Variants in SMARCA2 observed in about 807,000 individuals in gnomAD.
SMARCA2 encodes the protein SWI/SNF-related matrix-associated actin-dependent regulator of chromatin subfamily A member 2.
SMARCA2 carries 61 observed loss-of-function variants against 199.8 expected under a neutral mutation model. That is an observed-to-expected ratio of 0.31 (90% CI 0.25 to 0.38). SMARCA2 has a LOEUF of 0.38. Ranked by LOEUF, SMARCA2 falls within the 10% of genes least tolerant of loss-of-function variation. SMARCA2 has a pLI of 1.00. For missense variants in SMARCA2, 1,344 were observed against 2,012.2 expected, an observed-to-expected ratio of 0.67 and a Z score of 6.35; for synonymous variants, 935 against 732.0, an observed-to-expected ratio of 1.28 and a Z score of -4.48.
chr9:2,182,947 C>T (rs549312022), intron 31 of SMARCA2, among the ~76,000 whole-genome samples: 18 of 151,698 alleles, frequency 1.2e-4, no homozygotes, highest in South Asian at 2.1e-4. Flanking sequence ...TGCGCCACCA[C>T]GCCAGGCAAA....
chr9:2,137,875 G>A (rs917026741), intron 27 of SMARCA2, among the ~76,000 whole-genome samples: 3 of 152,288 alleles, frequency 2.0e-5, no homozygotes. Context: ...TCATGTTTTT[G>A]TAACTAAGAT....
At chr9:2,183,410 C>G (rs1827198888) in intron 31 of SMARCA2, among the ~76,000 whole-genome samples, 1 of 152,258 alleles carries the variant, frequency 6.6e-6, no homozygotes, top group East Asian at 1.9e-4. Context: ...TTAAAATAAC[C>G]AAGGTGAGGG....
At chr9:2,149,257 C>A (rs980385726) in intron 27 of SMARCA2, among the ~76,000 whole-genome samples, 2 of 151,348 alleles carry the variant, frequency 1.3e-5, no homozygotes, top group African/African-American at 4.8e-5. Flanking sequence ...GTGGCTCACA[C>A]CTGTAATCCA....
Position 2,047,743 on chromosome 9 carries a change from G to A in SMARCA2, c.1046+259G>A, listed in dbSNP as rs1037835833. Reference sequence around the variant, plus strand: ...ACTGCGACTGTGGAATACACTGTCCGTGTTTGTGCTTGTGCGGTTCGGTGA... The same window carrying A: ...ACTGCGACTGTGGAATACACTGTCCATGTTTGTGCTTGTGCGGTTCGGTGA... On this transcript the variant is annotated intron_variant, in intron 5 of 33. Transcript: ENST00000349721. 42 of 264,942 alleles carry A rather than the reference G, an allele frequency of 1.6e-4. No homozygotes were observed. In the East Asian group the frequency reaches 2.5e-3, roughly 16 times the overall value. The allele number at this position is 264,942 out of a possible 1,614,324, so 16.4% of individuals were successfully genotyped here. A position where few individuals can be genotyped will look rare whatever the true frequency, so the allele number is the denominator to read the frequency against.
chr9:2,054,445 A>G lies in SMARCA2; in HGVS notation c.1047-152A>G. The G allele has an allele frequency of 3.3e-6, 3 of 922,202 alleles. No individual in the cohort carries two copies. The South Asian group carries it at 5.3e-5, about 16-fold the overall frequency. The allele number at this position is 922,202 out of a possible 1,614,324, so 57.1% of individuals were successfully genotyped here. A position where few individuals can be genotyped will look rare whatever the true frequency, so the allele number is the denominator to read the frequency against. On this transcript the variant is annotated intron_variant, in intron 5 of 33. Transcript: ENST00000349721. ...AGGTAGCTTTTCTCTGCTTAACATC[A>G]AAAATTCTAGTTGGGTGTTAGAGAT...
chr9:2,114,840 A>G (rs1823149853), intron 24 of SMARCA2, among the ~76,000 whole-genome samples: 2 of 152,204 alleles, frequency 1.3e-5, no homozygotes, highest in African/African-American at 4.8e-5. Flanking sequence ...CGTTGTTGGC[A>G]TGTTGGTGTT....
At chr9:2,061,118 A>G (rs1429923444) in intron 9 of SMARCA2, 132 bp downstream of exon 9, 4 of 840,296 alleles carry the variant, frequency 4.8e-6, no homozygotes, top group South Asian at 1.8e-5. Context: ...TGAAAATTGC[A>G]TAAATGGGTA....
intron 29 of SMARCA2, among the ~76,000 whole-genome samples, chr9:2,180,237 A>T (rs538312324): frequency 6.6e-6 from 1 of 152,214 alleles, no homozygotes; most frequent in African/African-American, 2.4e-5. Context: ...TATGTGCATT[A>T]AAAAAATAAA....
chr9:2,183,016 C>G (rs1191825755), intron 31 of SMARCA2, among the ~76,000 whole-genome samples: 1 of 152,166 alleles, frequency 6.6e-6, no homozygotes, highest in Non-Finnish European at 1.5e-5. Flanking sequence ...GTCTTGAACT[C>G]CTGACCTCAG....
intron 27 of SMARCA2, among the ~76,000 whole-genome samples, chr9:2,152,762 G>C (rs931652663): frequency 6.9e-6 from 1 of 144,968 alleles, no homozygotes; most frequent in African/African-American, 2.6e-5. Context: ...TTGGGCAGGA[G>C]AATCACTTGA....
intron 27 of SMARCA2, among the ~76,000 whole-genome samples, chr9:2,132,665 C>T (rs1480107830): frequency 6.6e-6 from 1 of 152,132 alleles, no homozygotes; most frequent in Non-Finnish European, 1.5e-5. Flanking sequence ...TAGCAAGCTG[C>T]ATTTCCGTTT....
At chr9:2,098,573 G>C (rs572885813) in intron 21 of SMARCA2, among the ~76,000 whole-genome samples, 3 of 152,026 alleles carry the variant, frequency 2.0e-5, no homozygotes, top group Non-Finnish European at 1.5e-5. Flanking sequence ...AGAGTGTGTG[G>C]GCATAGAGGA....
intron 29 of SMARCA2, among the ~76,000 whole-genome samples, chr9:2,176,891 A>G (rs1826648745): frequency 6.6e-6 from 1 of 152,014 alleles, no homozygotes; most frequent in Non-Finnish European, 1.5e-5. Flanking sequence ...TGATTCCATG[A>G]CCCAAACAAG....
Position 2,161,609 on chromosome 9 carries a change from A to G in SMARCA2, c.3982-77A>G. The G allele has an allele frequency of 1.1e-6, 1 of 926,808 alleles. No homozygotes were observed. Among genetic ancestry groups the G allele is most frequent in the East Asian group, 2.5e-5 (1 of 40,228 alleles). The allele number at this position is 926,808 out of a possible 1,614,324, so 57.4% of individuals were successfully genotyped here. On this transcript the variant is annotated intron_variant, in intron 27 of 33. Coordinates refer to ENST00000349721, the MANE Select transcript of SMARCA2 (RefSeq NM_003070.5). This position sits in a 1 kb window ranked among gnomAD's most constrained non-coding sequence, Gnocchi z 4.7. ...ATTTTATTCTAATTGTTGGAGCTAT[A>G]TATAAATATACACATACTTTTTTTG...
intron 27 of SMARCA2, chr9:2,160,883 G>T: frequency 1.2e-5 from 3 of 255,198 alleles, no homozygotes; most frequent in African/African-American, 2.5e-5. Flanking sequence ...GATTTACCAG[G>T]AAAAAAAAAA....
intron 9 of SMARCA2, among the ~76,000 whole-genome samples, chr9:2,066,044 C>A (rs922779196): frequency 2.0e-5 from 3 of 152,060 alleles, no homozygotes; most frequent in African/African-American, 7.3e-5. Context: ...TAAAATTACC[C>A]GATTACCTAT....
chr9:2,174,177 C>G (rs548422739), intron 29 of SMARCA2, among the ~76,000 whole-genome samples: 91 of 152,218 alleles, frequency 6.0e-4, no homozygotes, highest in African/African-American at 2.1e-3. Context: ...AGGGTCTCTG[C>G]CTCTCAAGCT....
intron 29 of SMARCA2, among the ~76,000 whole-genome samples, chr9:2,176,202 T>TTTTTTTTTTTTTTTTTA (rs1421565522): frequency 1.4e-5 from 2 of 147,118 alleles, no homozygotes; most frequent in African/African-American, 5.1e-5. Flanking sequence ...TTTTTTTTTT[T>TTTTTTTTTTTTTTTTTA]TATAATGACG....
chr9:2,114,356 A>C (rs1263159596), intron 24 of SMARCA2, among the ~76,000 whole-genome samples: 3 of 152,342 alleles, frequency 2.0e-5, no homozygotes, highest in African/African-American at 2.4e-5. Flanking sequence ...ACTTAATTTT[A>C]AAGGTCCCTG....
Sources: allele counts gnomAD v4.1 joint callset (sites outside exome capture counted in the v4.1 genomes callset), GRCh38; gene constraint gnomAD v4.1.1; non-coding constraint Gnocchi (gnomAD v3.1); transcripts MANE v1.5; gene names NCBI Gene and HGNC (gene_info 2026-07-23, HGNC 2026-07-21).